The following SLC22A25 variants were observed in gnomAD, a reference collection of about 807,000 sequenced individuals.
SLC22A25 encodes the protein MGI:2442751, MGI:2385316, MGI:3042283, MGI:3645714, MGI:3605624, MGI:2442750.
A neutral mutation model predicts 45.9 loss-of-function variants in SLC22A25; 44 were observed. The observed-to-expected ratio is 0.96, with a 90% CI of 0.75 to 1.23. The LOEUF is 1.23. SLC22A25 is among the 50% of genes most tolerant of loss of function. SLC22A25 has a pLI of 0.00. For synonymous variants in SLC22A25, 283 were observed against 238.6 expected (o/e 1.19, Z -1.72); for missense variants, 800 against 666.4 (o/e 1.20, Z -2.21).
intron 7 of SLC22A25, among the ~76,000 whole-genome samples, chr11:63,185,715 C>A (rs904970681): frequency 7.8e-6 from 1 of 128,432 alleles, no homozygotes; most frequent in African/African-American, 2.9e-5. Flanking sequence ...CACCACAGTC[C>A]CCATAGTGTG....
intron 8 of SLC22A25, among the ~76,000 whole-genome samples, chr11:63,182,579 A>C (rs2088369457): frequency 6.6e-6 from 1 of 151,990 alleles, no homozygotes; most frequent in Admixed American, 6.6e-5. Context: ...CTTTTTAAAA[A>C]AAATGCTATG....
chr11:63,188,959 C>A (rs976603114), intron 7 of SLC22A25, among the ~76,000 whole-genome samples: 1 of 152,112 alleles, frequency 6.6e-6, no homozygotes, highest in Non-Finnish European at 1.5e-5. Flanking sequence ...GAGTGCTTTA[C>A]TTCCAACTAT....
chr11:63,179,311 T>C (rs2088234248), intron 9 of SLC22A25, among the ~76,000 whole-genome samples: 1 of 152,076 alleles, frequency 6.6e-6, no homozygotes, highest in African/African-American at 2.4e-5. Context: ...TGTTCCCTTT[T>C]GTGTCATATT....
chr11:63,171,659 G>C (rs982595922), intron 9 of SLC22A25, among the ~76,000 whole-genome samples: 23 of 151,992 alleles, frequency 1.5e-4, no homozygotes, highest in Non-Finnish European at 2.6e-4. Context: ...AAATAAGAGA[G>C]GACACAAACA....
chr11:63,232,115 G>A (rs1341324328), intron 3 of SLC22A25, among the ~76,000 whole-genome samples: 5 of 152,116 alleles, frequency 3.3e-5, no homozygotes, highest in African/African-American at 1.2e-4. Flanking sequence ...TGGCAATGCG[G>A]GCTCTTTTTT....
rs558823519 is a variant in SLC22A25, at chr11:63,210,784, C to T, written c.830+6530G>A. On this transcript the variant is annotated intron_variant, in intron 7 of 11. Transcript: ENST00000306494. ...AAGAACTGTGCTACTATCGTAGGGG[C>T]TACTGGGGCCAAAGAAAAGAAACCT... 2.9e-3 allele frequency among the ~76,000 whole-genome samples: 439 copies of T among 152,242 alleles called. 3 individuals carry two copies. Among genetic ancestry groups the T allele is most frequent in the African/African-American group, 0.01 (422 of 41,544 alleles).
intron 7 of SLC22A25, chr11:63,208,013 C>A (rs2089454236): frequency 6.6e-6 from 1 of 152,226 alleles, no homozygotes; most frequent in Non-Finnish European, 1.5e-5. Flanking sequence ...TAAATAATAA[C>A]TATCCTCCTG....
chr11:63,204,051 C>A (rs1047292219), intron 7 of SLC22A25, among the ~76,000 whole-genome samples: 19 of 152,146 alleles, frequency 1.2e-4, no homozygotes, highest in African/African-American at 4.1e-4. Context: ...TCATATCCAG[C>A]CAAACTAAGC....
At chr11:63,210,063 A>T (rs1443945509) in intron 7 of SLC22A25, among the ~76,000 whole-genome samples, 1 of 152,250 alleles carries the variant, frequency 6.6e-6, no homozygotes, top group Non-Finnish European at 1.5e-5. Context: ...GCCTGACAAA[A>T]GCCAAAGTGC....
intron 7 of SLC22A25, among the ~76,000 whole-genome samples, chr11:63,213,961 C>T (rs541448625): frequency 6.6e-6 from 1 of 152,256 alleles, no homozygotes; most frequent in South Asian, 2.1e-4. Flanking sequence ...GAATTAAAAG[C>T]CTCAGAAGGA....
In SLC22A25 at chr11:63,163,798, G is replaced by C. The variant is rs748090731; in HGVS notation, c.*26C>G. 2.5e-6 allele frequency: 4 copies of C among 1,584,690 alleles called. No homozygotes were observed. The Admixed American group carries it at 5.5e-5, about 22-fold the overall frequency. ...TTTTTGGGGGATGGTAGCCCTAAAT[G>C]GTGTTTTGCTTTCCTCAGCACAGAC... On this transcript the variant is annotated 3_prime_UTR_variant, in exon 12 of 12. Transcript: ENST00000306494.
At chr11:63,209,698 T>C (rs2089506028) in intron 7 of SLC22A25, among the ~76,000 whole-genome samples, 1 of 152,162 alleles carries the variant, frequency 6.6e-6, no homozygotes, top group Admixed American at 6.5e-5. Flanking sequence ...ACTACTGATC[T>C]CTTAAATTGG....
At chr11:63,185,777 A>G (rs1400651090) in intron 7 of SLC22A25, among the ~76,000 whole-genome samples, 1 of 141,256 alleles carries the variant, frequency 7.1e-6, no homozygotes, top group Admixed American at 7.8e-5. Context: ...CCCACCTATG[A>G]GTGAGAATAT....
chr11:63,213,115 A>G (rs1251433846), intron 7 of SLC22A25, among the ~76,000 whole-genome samples: 1 of 152,188 alleles, frequency 6.6e-6, no homozygotes, highest in African/African-American at 2.4e-5. Flanking sequence ...TGCCCACCCC[A>G]GTTACAAGTG....
chr11:63,235,348 T>C (rs922259077), intron 3 of SLC22A25, among the ~76,000 whole-genome samples: 3 of 152,346 alleles, frequency 2.0e-5, no homozygotes, highest in Admixed American at 6.5e-5. Flanking sequence ...CATTTGTTTT[T>C]ATTCTTTTTT....
At chr11:63,183,553 C>T (rs959765689) in intron 8 of SLC22A25, 141 bp downstream of exon 8, 27 of 1,016,656 alleles carry the variant, frequency 2.7e-5, no homozygotes, top group East Asian at 1.5e-4. Context: ...AATGTTGACA[C>T]CCATTGAGAA....
intron 5 of SLC22A25, among the ~76,000 whole-genome samples, chr11:63,221,340 C>T (rs753242715): frequency 5.9e-5 from 9 of 152,112 alleles, no homozygotes; most frequent in Non-Finnish European, 1.3e-4. Context: ...GAGATGATAT[C>T]TCACTGTAGT....
At chr11:63,232,826 G>C (rs1004619186) in intron 3 of SLC22A25, among the ~76,000 whole-genome samples, 24 of 152,158 alleles carry the variant, frequency 1.6e-4, no homozygotes, top group African/African-American at 5.3e-4. Context: ...CTAATTTATT[G>C]AGAGTTTTTA....
chr11:63,225,414 A>G (rs2089941286), intron 5 of SLC22A25, among the ~76,000 whole-genome samples: 1 of 152,192 alleles, frequency 6.6e-6, no homozygotes, highest in Non-Finnish European at 1.5e-5. Flanking sequence ...TTATAGGGTA[A>G]AAGTTTTTTT....
Sources: gnomAD v4.1 joint callset for allele counts (sites outside exome capture counted in the v4.1 genomes callset) on GRCh38, gnomAD v4.1.1 for gene constraint, MANE v1.5 for transcripts, NCBI Gene and HGNC (gene_info 2026-07-23, HGNC 2026-07-21) for gene names.